The following ANKIB1 variants were observed in gnomAD, a reference collection of about 807,000 sequenced individuals.
ANKIB1 encodes ankyrin repeat and IBR domain-containing protein 1.
Under a neutral mutation model 122.1 loss-of-function variants are expected in ANKIB1, and 43 were observed. The observed-to-expected ratio is 0.35, with a 90% CI of 0.28 to 0.45. ANKIB1 has a LOEUF of 0.45. Among genes scored for constraint, ANKIB1 ranks in the 20% least tolerant of loss-of-function variants. ANKIB1 has a pLI of 1.00. For missense variants in ANKIB1, 992 were observed against 1,329.5 expected, an observed-to-expected ratio of 0.75 and a Z score of 3.95; for synonymous variants, 390 against 442.0, an observed-to-expected ratio of 0.88 and a Z score of 1.48.
intron 4 of ANKIB1, among the ~76,000 whole-genome samples, chr7:92,321,348 C>T (rs1472336030): frequency 6.6e-6 from 1 of 152,016 alleles, no homozygotes; most frequent in Non-Finnish European, 1.5e-5. Context: ...ATCTCAAAAC[C>T]TATTCTTCCT....
At chr7:92,386,765 GC>G in intron 12 of ANKIB1, 122 bp downstream of exon 12, 4 of 969,734 alleles carry the variant, frequency 4.1e-6, no homozygotes, top group African/African-American at 1.7e-5. Context: ...CTTTATTATA[GC>G]CTTTAATTTC....
At chr7:92,280,787 TTACC>T (rs1801999102) in intron 1 of ANKIB1, among the ~76,000 whole-genome samples, 1 of 152,218 alleles carries the variant, frequency 6.6e-6, no homozygotes, top group East Asian at 1.9e-4. Context: ...AAAAAGCAGC[TTACC>T]TACTGTTTCA....
rs150360382 is a variant in ANKIB1 at position 92,400,144 on chromosome 7, T to C, written c.*1195T>C. 1 of 152,346 alleles carries C rather than the reference T, an allele frequency of 6.6e-6. No individual in the cohort carries two copies. Among genetic ancestry groups the C allele is most frequent in the Non-Finnish European group, 1.5e-5 (1 of 68,038 alleles). 9.4% of individuals were successfully genotyped at this position (152,346 alleles called of 1,614,324 possible). On this transcript the variant is annotated 3_prime_UTR_variant, in exon 20 of 20. Transcript: ENST00000265742. The stretch of plus-strand genomic sequence containing the variant: ...CATAAAACCACCCATGGCCTTGCTT[T>C]TACACTAACTATAACAACTAAATGT...
intron 1 of ANKIB1, among the ~76,000 whole-genome samples, chr7:92,247,278 T>G (rs1335167417): frequency 1.3e-5 from 2 of 152,260 alleles, no homozygotes; most frequent in African/African-American, 4.8e-5. Flanking sequence ...TTAGATACCT[T>G]TAAATTTTAG....
intron 1 of ANKIB1, among the ~76,000 whole-genome samples, chr7:92,264,147 T>C (rs1190486701): frequency 1.3e-5 from 2 of 151,634 alleles, no homozygotes; most frequent in East Asian, 1.9e-4. Flanking sequence ...TTCAGGATAG[T>C]GTTTTTCGTC....
chr7:92,360,462 G>A (rs1001908444), intron 9 of ANKIB1, among the ~76,000 whole-genome samples: 2 of 152,130 alleles, frequency 1.3e-5, no homozygotes, highest in Non-Finnish European at 2.9e-5. Context: ...TTGTGTGTGT[G>A]TATACTGCAC....
intron 7 of ANKIB1, among the ~76,000 whole-genome samples, chr7:92,349,322 A>C (rs1050888051): frequency 6.6e-6 from 1 of 152,158 alleles, no homozygotes; most frequent in African/African-American, 2.4e-5. Flanking sequence ...TTGGAGTGAG[A>C]GAACTGACTG....
intron 12 of ANKIB1, among the ~76,000 whole-genome samples, chr7:92,387,102 C>T (rs1055294172): frequency 1.3e-5 from 2 of 152,028 alleles, no homozygotes; most frequent in African/African-American, 4.8e-5. Context: ...TGCAGACAGC[C>T]ACCCTCTCAC....
At chr7:92,253,219 C>G (rs1048836074) in intron 1 of ANKIB1, among the ~76,000 whole-genome samples, 1 of 152,218 alleles carries the variant, frequency 6.6e-6, no homozygotes, top group African/African-American at 2.4e-5. Flanking sequence ...TCTCTGGCAG[C>G]AATAAACTAG....
chr7:92,342,479 A>T (rs35237464), intron 5 of ANKIB1, among the ~76,000 whole-genome samples: 1 of 152,124 alleles, frequency 6.6e-6, no homozygotes, highest in Non-Finnish European at 1.5e-5. Flanking sequence ...AGATCACTTA[A>T]TATAGAATTT....
chr7:92,262,233 A>G (rs1313502553), intron 1 of ANKIB1, among the ~76,000 whole-genome samples: 1 of 152,216 alleles, frequency 6.6e-6, no homozygotes, highest in Non-Finnish European at 1.5e-5. Flanking sequence ...GCTTAATGCT[A>G]AGATTCCATA....
intron 11 of ANKIB1, 99 bp from the exon 12 acceptor site, chr7:92,386,410 G>A: frequency 7.6e-7 from 1 of 1,307,342 alleles, no homozygotes; most frequent in Non-Finnish European, 1.0e-6. Context: ...GGTCACACAA[G>A]CACAATTATT....
rs939789960 is a variant in ANKIB1 at position 92,295,113 on chromosome 7, G to A, written c.135G>A (p.Gln45=). The stretch of plus-strand genomic sequence containing the variant: ...ATACATCTTATGGGGAGCCCTACCA[G>A]CACAATACTCCATTACATTATGCTG... ...DPNTSYGEPY[Q]HNTPLHYAAR... Residue 45 remains glutamine, a synonymous_variant, in exon 2 of 20, where the codon CAG becomes CAA. Coordinates refer to ENST00000265742, the MANE Select transcript of ANKIB1 (RefSeq NM_019004.2). 3.8e-6 allele frequency: 6 copies of A among 1,574,988 alleles called. No individual in the cohort carries two copies. The highest frequency in any genetic ancestry group is 5.2e-6 in the Non-Finnish European group (6 of 1,159,298).
chr7:92,344,873 T>C (rs1387718783), intron 6 of ANKIB1, 105 bp from the exon 7 acceptor site: 21 of 849,434 alleles, frequency 2.5e-5, no homozygotes, highest in African/African-American at 3.5e-5. Flanking sequence ...CAAAAACTTT[T>C]AATTACTGTA....
chr7:92,345,979 C>T (rs2131978870), intron 7 of ANKIB1, among the ~76,000 whole-genome samples: 1 of 152,216 alleles, frequency 6.6e-6, no homozygotes, highest in South Asian at 2.1e-4. Flanking sequence ...GCTTTGATAT[C>T]TATATACAAG....
At chr7:92,355,301 C>A (rs1477434829) in intron 9 of ANKIB1, among the ~76,000 whole-genome samples, 1 of 152,036 alleles carries the variant, frequency 6.6e-6, no homozygotes, top group African/African-American at 2.4e-5. Flanking sequence ...TGTGTAACTT[C>A]TCTGTCTTCT....
chr7:92,336,357 G>C (rs1053725791), intron 5 of ANKIB1, among the ~76,000 whole-genome samples: 1 of 151,230 alleles, frequency 6.6e-6, no homozygotes, highest in African/African-American at 2.4e-5. Flanking sequence ...TATTTACTTA[G>C]TTTTCCTGGC....
intron 19 of ANKIB1, 137 bp from the exon 20 acceptor site, chr7:92,398,075 A>G: frequency 9.0e-7 from 1 of 1,106,320 alleles, no homozygotes; most frequent in Non-Finnish European, 1.2e-6. Flanking sequence ...AAAATACAAG[A>G]TTTTAGTAGA....
chr7:92,295,475 T>C (rs1385036098), intron 2 of ANKIB1, among the ~76,000 whole-genome samples: 1 of 152,176 alleles, frequency 6.6e-6, no homozygotes, highest in Non-Finnish European at 1.5e-5. Context: ...TATATTTTGA[T>C]CCTCATTATG....
Sources: gnomAD v4.1 joint callset for allele counts (sites outside exome capture counted in the v4.1 genomes callset) on GRCh38, gnomAD v4.1.1 for gene constraint, MANE v1.5 for transcripts, NCBI Gene and HGNC (gene_info 2026-07-23, HGNC 2026-07-21) for gene names.